Variants in IFIH1 observed in about 807,000 individuals in gnomAD.
The protein encoded by IFIH1 is interferon induced with helicase C domain 1, also known as interferon-induced helicase C domain-containing protein 1.
In IFIH1, 125 loss-of-function variants were observed where a neutral mutation model predicts 107.4. The observed-to-expected ratio is 1.16, with a 90% CI of 1.01 to 1.35. The LOEUF (loss-of-function observed/expected upper bound fraction) is 1.35, where lower values mean the gene tolerates loss of function less well. Ranked by LOEUF, IFIH1 falls within the 40% of genes most tolerant of loss-of-function variation. IFIH1 has a pLI of 0.00. For missense variants in IFIH1, 1,333 were observed against 1,213.7 expected, an observed-to-expected ratio of 1.10 and a Z score of -1.46; for synonymous variants, 458 against 413.2, an observed-to-expected ratio of 1.11 and a Z score of -1.31.
At chr2:162,271,480 A>T (rs1691038052) in intron 13 of IFIH1, among the ~76,000 whole-genome samples, 1 of 151,562 alleles carries the variant, frequency 6.6e-6, no homozygotes, top group Admixed American at 6.6e-5. Context: ...GGGGAGAGGG[A>T]TAGCATTAAG....
intron 7 of IFIH1, among the ~76,000 whole-genome samples, chr2:162,280,523 T>C (rs1259990411): frequency 3.9e-5 from 6 of 152,022 alleles, no homozygotes; most frequent in Admixed American, 1.3e-4. Flanking sequence ...AAAGGTCAAC[T>C]TGACATCCGT....
At chr2:162,270,897 G>T (rs1002057775) in intron 13 of IFIH1, among the ~76,000 whole-genome samples, 1 of 152,112 alleles carries the variant, frequency 6.6e-6, no homozygotes. Flanking sequence ...CTTGGAGTTG[G>T]TAATAGCAAT....
intron 1 of IFIH1, among the ~76,000 whole-genome samples, chr2:162,312,773 C>T (rs1047988491): frequency 6.6e-6 from 1 of 152,050 alleles, no homozygotes; most frequent in Non-Finnish European, 1.5e-5. Flanking sequence ...CAAGTAATTG[C>T]TATAGATGTA....
At chr2:162,302,536 G>T (rs754469677) in intron 3 of IFIH1, among the ~76,000 whole-genome samples, 10 of 152,110 alleles carry the variant, frequency 6.6e-5, no homozygotes, top group Non-Finnish European at 2.9e-5. Flanking sequence ...CTACACAAAT[G>T]CATATTAGAA....
Position 162,304,635 on chromosome 2 carries a change from T to C in IFIH1, c.769+2074A>G, listed in dbSNP as rs191656403. Among the ~76,000 whole-genome samples, 232 of 152,310 alleles carry C rather than the reference T, an allele frequency of 1.5e-3. 2 individuals carry two copies. Among genetic ancestry groups the C allele is most frequent in the African/African-American group, 4.8e-3 (199 of 41,574 alleles). On this transcript the variant is annotated intron_variant, in intron 3 of 15. Coordinates refer to ENST00000649979, the MANE Select transcript of IFIH1 (RefSeq NM_022168.4). Reference sequence around the variant, plus strand: ...AGCAAAAAGAAGATGAATACCCTAATAGAAAAGTGAATTTTAAAAGTATTG... The same window carrying C: ...AGCAAAAAGAAGATGAATACCCTAACAGAAAAGTGAATTTTAAAAGTATTG...
chr2:162,277,080 T>A (rs1193673469), intron 10 of IFIH1, 134 bp from the exon 11 acceptor site: 20 of 683,686 alleles, frequency 2.9e-5, no homozygotes, highest in Non-Finnish European at 4.4e-5. Flanking sequence ...TTAAAAACTA[T>A]TTGGAAGTAT....
At position 162,300,986 on chromosome 2, in the gene IFIH1, CA is replaced by C. The variant is rs894031688; in HGVS notation, c.769+5722del. ...ATAAAAAGGCAAAACAAAACAACAA[CA>C]AAAAAAGTGCTATAACAGATTGGAC... On this transcript the variant is annotated intron_variant, in intron 3 of 15. Coordinates refer to ENST00000649979, the MANE Select transcript of IFIH1 (RefSeq NM_022168.4). Among the ~76,000 whole-genome samples the C allele has an allele frequency of 3.8e-3, 573 of 151,912 alleles. 3 individuals carry two copies. Among genetic ancestry groups the C allele is most frequent in the African/African-American group, 0.012 (511 of 41,456 alleles).
At chr2:162,270,619 G>C (rs930268400) in intron 13 of IFIH1, among the ~76,000 whole-genome samples, 24 of 152,122 alleles carry the variant, frequency 1.6e-4, no homozygotes, top group Admixed American at 1.2e-3. Flanking sequence ...AAGGGACAGA[G>C]TCTTATTCTA....
At chr2:162,267,403 G>A (rs1334983959) in intron 15 of IFIH1, 24 bp from the exon 16 acceptor site, 2 of 1,613,854 alleles carry the variant, frequency 1.2e-6, no homozygotes, top group Non-Finnish European at 1.7e-6. Context: ...GAGAGAGCAA[G>A]AGGAAAATTA....
chr2:162,304,675 A>G (rs1683249993), intron 3 of IFIH1, among the ~76,000 whole-genome samples: 1 of 152,240 alleles, frequency 6.6e-6, no homozygotes, highest in African/African-American at 2.4e-5. Flanking sequence ...TTAACAAAAC[A>G]AAGAGAATGA....
chr2:162,272,556 G>T (rs1691064313), intron 12 of IFIH1, among the ~76,000 whole-genome samples, 169 bp from the exon 13 acceptor site: 1 of 152,196 alleles, frequency 6.6e-6, no homozygotes, highest in Non-Finnish European at 1.5e-5. Flanking sequence ...TCCATTACTT[G>T]TAAGTCAGCT....
At chr2:162,281,648 G>T in intron 6 of IFIH1, 103 bp from the exon 7 acceptor site, 1 of 761,162 alleles carries the variant, frequency 1.3e-6, no homozygotes, top group Non-Finnish European at 2.2e-6. Flanking sequence ...GCCTTCTCTT[G>T]GGCACGACAC....
intron 3 of IFIH1, among the ~76,000 whole-genome samples, chr2:162,301,471 C>G (rs1298020275): frequency 6.6e-6 from 1 of 152,128 alleles, no homozygotes; most frequent in Non-Finnish European, 1.5e-5. Flanking sequence ...ATTTTCTGCT[C>G]CATTCTGCAT....
chr2:162,278,398 A>G, intron 8 of IFIH1, 70 bp from the exon 9 acceptor site: 1 of 828,518 alleles, frequency 1.2e-6, no homozygotes, highest in Non-Finnish European at 1.8e-6. Flanking sequence ...CTTTGTTAGA[A>G]TAATTTCTAG....
chr2:162,282,228 AAGT>A (rs766343211), intron 6 of IFIH1, 135 bp downstream of exon 6: 12 of 569,294 alleles, frequency 2.1e-5, no homozygotes, highest in Non-Finnish European at 3.3e-5. Flanking sequence ...TTCCTCCAGG[AAGT>A]AGAAGGATTT....
chr2:162,276,689 G>C lies in IFIH1; in HGVS notation c.2302C>G (p.Gln768Glu). 2 of 1,608,202 alleles carry C rather than the reference G, an allele frequency of 1.2e-6. No individual in the cohort carries two copies. Among genetic ancestry groups the C allele is most frequent in the Non-Finnish European group, 8.5e-7 (1 of 1,178,160 alleles). Residue 768 changes from glutamine to glutamate, a missense_variant and splice_region_variant, in exon 11 of 16, where the codon CAG (glutamine) becomes GAG (glutamate). By Grantham distance (29) the Gln-to-Glu change is conservative. Transcript: ENST00000649979. ...GTCGTCCAAAAGGATATTTATACCT[G>C]TGTCATGGGTTTGAACTCACTGCTG... is the stretch of plus-strand genomic sequence containing the variant. ...GHSSEFKPMT[Q>E]NEQKEVISKF...
rs547806933 is a variant in IFIH1 at position 162,303,066 on chromosome 2, T to G, written c.769+3643A>C. On this transcript the variant is annotated intron_variant, in intron 3 of 15. Transcript: ENST00000649979. Reference sequence around the variant, plus strand: ...AAAAGTGTAGCTATACAGTTACTACTGCTGGGCCGACACCTCCCTCAGTGG... The same window carrying G: ...AAAAGTGTAGCTATACAGTTACTACGGCTGGGCCGACACCTCCCTCAGTGG... Among the ~76,000 whole-genome samples, 12 of 152,326 alleles carry G rather than the reference T, an allele frequency of 7.9e-5. No homozygotes were observed. The East Asian group carries it at 2.1e-3, about 27-fold the overall frequency.
chr2:162,315,391 C>A (rs544615763), intron 1 of IFIH1, among the ~76,000 whole-genome samples: 22 of 152,236 alleles, frequency 1.4e-4, no homozygotes, highest in Admixed American at 6.5e-4. Flanking sequence ...TTTTTCAAAT[C>A]AGTATAATCT....
intron 3 of IFIH1, among the ~76,000 whole-genome samples, chr2:162,300,346 T>C (rs1683171610): frequency 6.6e-6 from 1 of 152,196 alleles, no homozygotes. Context: ...GCTTTATGTT[T>C]GTAGTCATAA....
Sources: gnomAD v4.1 joint callset for allele counts (sites outside exome capture counted in the v4.1 genomes callset) on GRCh38, gnomAD v4.1.1 for gene constraint, MANE v1.5 for transcripts, NCBI Gene and HGNC (gene_info 2026-07-23, HGNC 2026-07-21) for gene names.